GRHL2: variants seen among roughly 807,000 people sequenced by gnomAD.
The protein encoded by GRHL2 is grainyhead-like protein 2 homolog.
Under a neutral mutation model 83.8 loss-of-function variants are expected in GRHL2, and 21 were observed. That is an observed-to-expected ratio of 0.25 (90% CI 0.18 to 0.36). The LOEUF (loss-of-function observed/expected upper bound fraction) is 0.36, where lower values mean the gene tolerates loss of function less well. Ranked by LOEUF, GRHL2 falls within the 10% of genes least tolerant of loss-of-function variation. The pLI is 1.00. For synonymous variants in GRHL2, 280 were observed against 278.9 expected, an observed-to-expected ratio of 1.00 and a Z score of -0.04; for missense variants, 623 against 781.8, an observed-to-expected ratio of 0.80 and a Z score of 2.42.
At chr8:101,651,445 G>C (rs1813619865) in intron 14 of GRHL2, among the ~76,000 whole-genome samples, 1 of 152,360 alleles carries the variant, frequency 6.6e-6, no homozygotes, top group African/African-American at 2.4e-5. Context: ...CTAGGTGTGA[G>C]AACCTCTGAT....
chr8:101,651,489 G>A (rs1180741041), intron 14 of GRHL2, among the ~76,000 whole-genome samples: 1 of 152,180 alleles, frequency 6.6e-6, no homozygotes. Context: ...ATTACACTCC[G>A]AGTCTTCCTT....
At chr8:101,579,387 CTTATCTTCT>C (rs1401373500) in intron 7 of GRHL2, among the ~76,000 whole-genome samples, 2 of 152,160 alleles carry the variant, frequency 1.3e-5, no homozygotes, top group African/African-American at 4.8e-5. Context: ...TTCAGATCTT[CTTATCTTCT>C]TTATCATCTC....
intron 6 of GRHL2, among the ~76,000 whole-genome samples, chr8:101,574,738 T>C (rs3824089): frequency 0.053 from 8,042 of 152,280 alleles, 320 homozygotes; most frequent in East Asian, 0.18. Flanking sequence ...ATCAGGAGAA[T>C]TAGTAAATTC....
downstream of GRHL2, among the ~76,000 whole-genome samples, chr8:101,670,013 G>T (rs939261528): frequency 6.6e-6 from 1 of 152,168 alleles, no homozygotes; most frequent in Non-Finnish European, 1.5e-5. Flanking sequence ...CTGTTCACTT[G>T]CTTCTGCCCA....
chr8:101,558,856 C>A, intron 4 of GRHL2, 44 bp downstream of exon 4: 3 of 1,599,774 alleles, frequency 1.9e-6, no homozygotes, highest in Non-Finnish European at 2.6e-6. Flanking sequence ...AAACCCAGAG[C>A]CCCTAGCTAA....
intron 14 of GRHL2, among the ~76,000 whole-genome samples, chr8:101,660,821 T>C (rs1371744286): frequency 1.3e-5 from 2 of 152,240 alleles, no homozygotes; most frequent in Non-Finnish European, 1.5e-5. Flanking sequence ...ACTTCAGAGC[T>C]GTATTTTCTC....
intron 1 of GRHL2, 136 bp downstream of exon 1, chr8:101,492,925 C>T (rs886466002): frequency 1.2e-6 from 1 of 806,310 alleles, no homozygotes; most frequent in African/African-American, 1.7e-5. Flanking sequence ...TTGGTGGATC[C>T]AGACTTTTCC....
chr8:101,596,868 G>A (rs922474895), intron 7 of GRHL2, among the ~76,000 whole-genome samples: 2 of 152,250 alleles, frequency 1.3e-5, no homozygotes, highest in African/African-American at 2.4e-5. Context: ...ATTGAAGTAC[G>A]TGCTTTATTT....
chr8:101,665,504 T>G (rs1452261803), intron 15 of GRHL2, among the ~76,000 whole-genome samples: 2 of 152,210 alleles, frequency 1.3e-5, no homozygotes, highest in Non-Finnish European at 2.9e-5. Flanking sequence ...GTTGGAAGAT[T>G]CACTAAAATG....
intron 8 of GRHL2, among the ~76,000 whole-genome samples, chr8:101,618,768 A>G (rs1563610717): frequency 6.6e-6 from 1 of 152,152 alleles, no homozygotes; most frequent in Admixed American, 6.5e-5. Flanking sequence ...CTTCATAATC[A>G]TGGAACAAAG....
At chr8:101,504,227 G>A (rs59219670) in intron 1 of GRHL2, among the ~76,000 whole-genome samples, 3 of 152,150 alleles carry the variant, frequency 2.0e-5, no homozygotes, top group South Asian at 2.1e-4. Flanking sequence ...CATGCTGCCT[G>A]TCGGTTCTGT....
downstream of GRHL2, among the ~76,000 whole-genome samples, chr8:101,672,044 A>C (rs557920427): frequency 2.0e-5 from 3 of 151,744 alleles, no homozygotes; most frequent in Admixed American, 6.5e-5. Flanking sequence ...CACACCAAAA[A>C]CCCTTCTGTA....
chr8:101,604,536 C>T (rs942100731), intron 8 of GRHL2, among the ~76,000 whole-genome samples: 2 of 152,336 alleles, frequency 1.3e-5, no homozygotes, highest in East Asian at 3.9e-4. Context: ...AGAAGAATTA[C>T]TTGAGCATTA....
At chr8:101,552,497 T>G (rs1811404873) in intron 2 of GRHL2, among the ~76,000 whole-genome samples, 1 of 152,232 alleles carries the variant, frequency 6.6e-6, no homozygotes, top group Admixed American at 6.5e-5. Flanking sequence ...GAATCATGTC[T>G]GTTGTGGCCA....
chr8:101,671,335 C>T (rs1213359076), downstream of GRHL2, among the ~76,000 whole-genome samples: 1 of 152,182 alleles, frequency 6.6e-6, no homozygotes, highest in East Asian at 1.9e-4. Flanking sequence ...TTCCAATGGG[C>T]TTAAAAAATG....
chr8:101,624,370 C>G (rs879851093), intron 9 of GRHL2, among the ~76,000 whole-genome samples: 128 of 148,576 alleles, frequency 8.6e-4, no homozygotes, highest in Non-Finnish European at 1.6e-3. Flanking sequence ...CAGTGTAGGG[C>G]AGTTCAGAGT....
chr8:101,630,836 G>T (rs1240982315), intron 9 of GRHL2, among the ~76,000 whole-genome samples: 1 of 152,138 alleles, frequency 6.6e-6, no homozygotes, highest in Non-Finnish European at 1.5e-5. Context: ...AGAAGAAAAT[G>T]AGTTCTCAAA....
At chr8:101,681,008 T>C in the GRHL2 span, among the ~76,000 whole-genome samples, 360 of 114,496 alleles carry the variant, frequency 3.1e-3, 14 homozygotes, top group Non-Finnish European at 4.2e-3. Flanking sequence ...AACATCACAA[T>C]TAAAAGAACT....
chr8:101,641,665 A>G (rs1179961649), intron 12 of GRHL2, among the ~76,000 whole-genome samples: 1 of 152,148 alleles, frequency 6.6e-6, no homozygotes, highest in Non-Finnish European at 1.5e-5. Context: ...GCCTAGAATC[A>G]TTCTACATAA....
Sources: allele counts gnomAD v4.1 joint callset (sites outside exome capture counted in the v4.1 genomes callset), GRCh38; gene constraint gnomAD v4.1.1; transcripts MANE v1.5; gene names NCBI Gene and HGNC (gene_info 2026-07-23, HGNC 2026-07-21).